Variants in TAF13 observed in about 807,000 individuals in gnomAD.
TAF13 encodes the protein transcription initiation factor TFIID subunit 13.
Under a neutral mutation model 18.7 loss-of-function variants are expected in TAF13, and 9 were observed. The ratio of observed to expected loss-of-function variants is 0.48; its 90% CI spans 0.29 to 0.84. The LOEUF is 0.84. Ranked by LOEUF, TAF13 falls within the 40% of genes least tolerant of loss-of-function variation. The probability of loss-of-function intolerance (pLI) is 0.08; values close to 1 mark genes in which losing one functional copy is unlikely to be tolerated. For synonymous variants in TAF13, 49 were observed against 44.1 expected, an observed-to-expected ratio of 1.11 and a Z score of -0.44; for missense variants, 105 against 146.5, an observed-to-expected ratio of 0.72 and a Z score of 1.46.
intron 3 of TAF13, among the ~76,000 whole-genome samples, chr1:109,065,202 G>A (rs571425991): frequency 6.6e-5 from 10 of 152,058 alleles, no homozygotes; most frequent in East Asian, 3.9e-4. Context: ...TTAATAATAC[G>A]GCATTGAGCC....
chr1:109,074,962 A>G (rs1301964014), intron 2 of TAF13, 25 bp downstream of exon 2: 1 of 1,569,386 alleles, frequency 6.4e-7, no homozygotes. Flanking sequence ...CATCTATAAC[A>G]AAATCATTGT....
At chr1:109,066,330 T>C in intron 2 of TAF13, 98 bp from the exon 3 acceptor site, 1 of 888,642 alleles carries the variant, frequency 1.1e-6, no homozygotes, top group Non-Finnish European at 1.7e-6. Flanking sequence ...TTATAGATAA[T>C]ATTGGTATGA....
chr1:109,065,353 G>A (rs1243612923), intron 3 of TAF13, among the ~76,000 whole-genome samples: 1 of 151,968 alleles, frequency 6.6e-6, no homozygotes, highest in Non-Finnish European at 1.5e-5. Context: ...GCAAAGCATG[G>A]TGGCATGTGC....
intron 2 of TAF13, among the ~76,000 whole-genome samples, chr1:109,070,487 G>A (rs1557985433): frequency 2.6e-5 from 4 of 152,288 alleles, no homozygotes; most frequent in South Asian, 4.1e-4. Context: ...AAAGTGCTGG[G>A]ATTATAGGCA....
Position 109,075,971 on chromosome 1 carries a change from C to G in TAF13, c.-24G>C. On this transcript the variant is annotated 5_prime_UTR_variant, in exon 1 of 4. Transcript: ENST00000338366. The stretch of plus-strand genomic sequence containing the variant: ...ATCCCACTAGCACGCCAACTCACAG[C>G]GTCCTGCCGGCTGGCTCCCAGCTGG... 1 of 1,614,194 alleles carries G rather than the reference C, an allele frequency of 6.2e-7. No homozygotes were observed. The highest frequency in any genetic ancestry group is 1.1e-5 in the South Asian group (1 of 91,092).
At chr1:109,064,767 T>C in intron 3 of TAF13, 74 bp from the exon 4 acceptor site, 1 of 1,218,182 alleles carries the variant, frequency 8.2e-7, no homozygotes, top group East Asian at 2.8e-5. Context: ...CATTTATTAA[T>C]TGCAAGTGAG....
At chr1:109,067,628 A>G (rs545705532) in intron 2 of TAF13, among the ~76,000 whole-genome samples, 1 of 152,102 alleles carries the variant, frequency 6.6e-6, no homozygotes, top group Non-Finnish European at 1.5e-5. Flanking sequence ...TAATAATAAT[A>G]AGAGAGACTG....
chr1:109,071,873 G>A (rs1279189935), intron 2 of TAF13, among the ~76,000 whole-genome samples: 1 of 149,940 alleles, frequency 6.7e-6, no homozygotes, highest in Non-Finnish European at 1.5e-5. Flanking sequence ...AGTCGCTTGA[G>A]CCCAGGAGGC....
chr1:109,067,016 G>A (rs2102106156), intron 2 of TAF13, among the ~76,000 whole-genome samples: 1 of 152,052 alleles, frequency 6.6e-6, no homozygotes, highest in East Asian at 2.0e-4. Context: ...ACCGCGCCCA[G>A]CCCCAAATCT....
chr1:109,065,963 T>C (rs1177210370), intron 3 of TAF13, among the ~76,000 whole-genome samples, 172 bp downstream of exon 3: 1 of 150,630 alleles, frequency 6.6e-6, no homozygotes, highest in South Asian at 2.1e-4. Flanking sequence ...GGATAGAATA[T>C]ACATGTATAA....
intron 1 of TAF13, 99 bp from the exon 2 acceptor site, chr1:109,075,164 AAAGCCAAAGG>A (rs1664159320): frequency 9.7e-7 from 1 of 1,031,668 alleles, no homozygotes. Flanking sequence ...GATAGGCCAG[AAAGCCAAAGG>A]AAGCAGCAAA....
At chr1:109,073,898 C>T (rs1484711771) in intron 2 of TAF13, among the ~76,000 whole-genome samples, 2 of 151,536 alleles carry the variant, frequency 1.3e-5, no homozygotes, top group East Asian at 2.0e-4. Context: ...TCTGCTCGGC[C>T]GCTACTCCGT....
At chr1:109,067,808 C>T (rs762148192) in intron 2 of TAF13, among the ~76,000 whole-genome samples, 7 of 152,000 alleles carry the variant, frequency 4.6e-5, no homozygotes, top group Non-Finnish European at 7.4e-5. Context: ...ATTGATTATC[C>T]CCATTCTATA....
intron 1 of TAF13, among the ~76,000 whole-genome samples, chr1:109,075,650 AAT>A (rs913659963): frequency 1.3e-5 from 2 of 152,154 alleles, no homozygotes; most frequent in African/African-American, 4.8e-5. Flanking sequence ...AGTGCGCGCT[AAT>A]AGATGTTAGT....
intron 2 of TAF13, among the ~76,000 whole-genome samples, chr1:109,067,860 G>C (rs1010672185): frequency 2.6e-5 from 4 of 152,122 alleles, no homozygotes; most frequent in Admixed American, 6.6e-5. Flanking sequence ...TTTACCCAAG[G>C]TCACAAAGCT....
At chr1:109,066,301 A>T in intron 2 of TAF13, 69 bp from the exon 3 acceptor site, 1 of 1,303,840 alleles carries the variant, frequency 7.7e-7, no homozygotes, top group Non-Finnish European at 1.1e-6. Context: ...TTAAAAAAAT[A>T]AAGTAGAAAT....
chr1:109,067,180 G>A (rs1663965545), intron 2 of TAF13, among the ~76,000 whole-genome samples: 1 of 152,128 alleles, frequency 6.6e-6, no homozygotes, highest in Non-Finnish European at 1.5e-5. Context: ...AGTCTAGGTC[G>A]GGTGCAGTGG....
In TAF13 at chr1:109,074,590, A is replaced by T. The variant is rs181266785; in HGVS notation, c.106+397T>A. On this transcript the variant is annotated intron_variant, in intron 2 of 3. Coordinates refer to ENST00000338366, the MANE Select transcript of TAF13 (RefSeq NM_005645.4). ...ATGATCAATAAATACTAAAAAAATT[A>T]AAAAAATAAAATAAAGCAAAATAAA... 7.0e-4 allele frequency among the ~76,000 whole-genome samples: 106 copies of T among 152,226 alleles called. 2 individuals carry two copies. The South Asian group carries it at 0.019, about 27-fold the overall frequency.
In TAF13 at chr1:109,075,288, C is replaced by T. The variant is rs144325353; in HGVS notation, c.28-223G>A. Among the ~76,000 whole-genome samples, 306 of 152,152 alleles carry T rather than the reference C, an allele frequency of 2.0e-3. 1 individual carries two copies. Among genetic ancestry groups the T allele is most frequent in the African/African-American group, 7.0e-3 (291 of 41,522 alleles). The stretch of plus-strand genomic sequence containing the variant: ...ACAATGTTCCTAACTAATAATCCTA[C>T]TGCTTCTACTTGTAAGAGTTCCAAT... On this transcript the variant is annotated intron_variant, in intron 1 of 3. Transcript: ENST00000338366.
Sources: allele counts gnomAD v4.1 joint callset (sites outside exome capture counted in the v4.1 genomes callset), GRCh38; gene constraint gnomAD v4.1.1; transcripts MANE v1.5; gene names NCBI Gene and HGNC (gene_info 2026-07-23, HGNC 2026-07-21).